The following LRP1B variants were observed in gnomAD, a reference collection of about 807,000 sequenced individuals.
The protein encoded by LRP1B is LDL receptor related protein 1B, also known as low-density lipoprotein receptor-related protein 1B.
Under a neutral mutation model 556.6 loss-of-function variants are expected in LRP1B, and 217 were observed. The observed-to-expected ratio is 0.39, with a 90% CI of 0.35 to 0.44. The LOEUF is 0.44. Ranked by LOEUF, LRP1B falls within the 20% of genes least tolerant of loss-of-function variation. The pLI, the probability that LRP1B is intolerant of heterozygous loss-of-function variation, is 1.00. For synonymous variants in LRP1B, 2,047 were observed against 1,865.8 expected (o/e 1.10, Z -2.50); for missense variants, 5,053 against 5,620.8 (o/e 0.90, Z 3.23).
chr2:141,725,933 CAT>C (rs1191532782), intron 2 of LRP1B, among the ~76,000 whole-genome samples: 1 of 151,592 alleles, frequency 6.6e-6, no homozygotes, highest in African/African-American at 2.4e-5. Context: ...AATTGAGAAA[CAT>C]ATGTAAAATA....
In LRP1B at chr2:141,356,552, C is replaced by A. The variant is rs546189797; in HGVS notation, c.344-101911G>T. Among the ~76,000 whole-genome samples, 6 of 135,848 alleles carry A rather than the reference C, an allele frequency of 4.4e-5. No homozygotes were observed. In the South Asian group the frequency reaches 1.3e-3, roughly 29 times the overall value. 89.1% of individuals were successfully genotyped at this position (135,848 alleles called of 152,430 possible). A position where few individuals can be genotyped will look rare whatever the true frequency, so the allele number is the denominator to read the frequency against. On this transcript the variant is annotated intron_variant, in intron 3 of 90. Transcript: ENST00000389484. ...GGCTATATGATCTCCAAGTATGATT[C>A]TATGGTTCCTTTTGAGATGATAAGA...
intron 1 of LRP1B, among the ~76,000 whole-genome samples, chr2:141,936,588 T>G (rs958506512): frequency 6.6e-6 from 1 of 152,192 alleles, no homozygotes; most frequent in African/African-American, 2.4e-5. Flanking sequence ...TTTAAGATCC[T>G]TGATCTGTAA....
intron 3 of LRP1B, among the ~76,000 whole-genome samples, chr2:141,266,823 C>G (rs569231540): frequency 1.3e-5 from 2 of 151,986 alleles, no homozygotes; most frequent in African/African-American, 2.4e-5. Flanking sequence ...ATTTATTTTA[C>G]AAATTATAAA....
chr2:142,060,304 T>C lies in LRP1B; in HGVS notation c.82+70344A>G, dbSNP rs115563676. ...GAGAGTTTTTAAACCTGCATGCTTT[T>C]GTGAGTTACTGGGTGTCAAAGGTGC... On this transcript the variant is annotated intron_variant, in intron 1 of 90. Transcript: ENST00000389484. 4.2e-3 allele frequency among the ~76,000 whole-genome samples: 637 copies of C among 152,136 alleles called. 6 individuals carry two copies. Among genetic ancestry groups the C allele is most frequent in the African/African-American group, 0.015 (607 of 41,546 alleles).
chr2:141,378,889 G>C (rs770868738), intron 3 of LRP1B, among the ~76,000 whole-genome samples: 1 of 152,080 alleles, frequency 6.6e-6, no homozygotes, highest in Non-Finnish European at 1.5e-5. Flanking sequence ...AGATGCCACC[G>C]AGCAGACAAC....
chr2:142,012,956 T>C (rs1448965051), intron 1 of LRP1B, among the ~76,000 whole-genome samples: 1 of 152,150 alleles, frequency 6.6e-6, no homozygotes, highest in Non-Finnish European at 1.5e-5. Context: ...GACATTTATA[T>C]TGTGATTAGC....
chr2:140,784,313 C>T (rs1689811034), intron 32 of LRP1B, among the ~76,000 whole-genome samples: 1 of 147,156 alleles, frequency 6.8e-6, no homozygotes, highest in African/African-American at 2.5e-5. Context: ...AAAAGGTTTC[C>T]CTATTGGGGG....
intron 32 of LRP1B, among the ~76,000 whole-genome samples, chr2:140,802,901 T>C (rs1020152740): frequency 1.3e-5 from 2 of 152,176 alleles, no homozygotes; most frequent in Admixed American, 6.5e-5. Context: ...ATGTGAATTC[T>C]TAGTTAAGTA....
At chr2:140,955,211 A>G (rs1432608150) in intron 18 of LRP1B, among the ~76,000 whole-genome samples, 1 of 151,938 alleles carries the variant, frequency 6.6e-6, no homozygotes, top group Admixed American at 6.6e-5. Flanking sequence ...ATAAATTACC[A>G]TAATTGATTA....
intron 1 of LRP1B, among the ~76,000 whole-genome samples, chr2:141,933,917 A>G (rs1425060893): frequency 6.6e-6 from 1 of 152,062 alleles, no homozygotes; most frequent in Non-Finnish European, 1.5e-5. Context: ...CAATCAGTGA[A>G]CTCATAATAA....
At chr2:140,429,321 C>T (rs139224456) in intron 66 of LRP1B, among the ~76,000 whole-genome samples, 16,746 of 152,100 alleles carry the variant, frequency 0.11, 1,027 homozygotes, top group Non-Finnish European at 0.12. Flanking sequence ...CCCCATAGTG[C>T]CAAACCCATA....
intron 60 of LRP1B, among the ~76,000 whole-genome samples, chr2:140,459,786 G>A (rs1376400810): frequency 2.6e-5 from 4 of 152,070 alleles, no homozygotes; most frequent in Non-Finnish European, 5.9e-5. Flanking sequence ...GGAGGTGATT[G>A]GATCATGGGG....
Position 141,623,173 on chromosome 2 carries a change from A to C in LRP1B, c.206-142640T>G, listed in dbSNP as rs562287782. On this transcript the variant is annotated intron_variant, in intron 2 of 90. Coordinates refer to ENST00000389484, the MANE Select transcript of LRP1B (RefSeq NM_018557.3). ...CTGTCTTCAAAGCTGTGATCACTTAATTTAAAAAAAAATCACTTTTAAAGA... is the reference window on the plus strand; with the variant it reads ...CTGTCTTCAAAGCTGTGATCACTTACTTTAAAAAAAAATCACTTTTAAAGA... 3.4e-5 allele frequency among the ~76,000 whole-genome samples: 5 copies of C among 148,588 alleles called. No individual in the cohort carries two copies. In the East Asian group the frequency reaches 9.7e-4, roughly 29 times the overall value.
chr2:140,647,443 C>T (rs1197796747), intron 41 of LRP1B, among the ~76,000 whole-genome samples: 5 of 152,058 alleles, frequency 3.3e-5, no homozygotes, highest in East Asian at 3.8e-4. Context: ...GTTTACCATA[C>T]ATAAATTGAC....
chr2:140,847,511 G>A (rs1431902441), intron 29 of LRP1B, among the ~76,000 whole-genome samples: 1 of 152,124 alleles, frequency 6.6e-6, no homozygotes, highest in Non-Finnish European at 1.5e-5. Context: ...GTTCACGCCT[G>A]TAATCCCAGC....
At chr2:140,366,629 G>T (rs1251553006) in intron 71 of LRP1B, among the ~76,000 whole-genome samples, 4 of 151,836 alleles carry the variant, frequency 2.6e-5, no homozygotes, top group Admixed American at 6.6e-5. Context: ...GAAATATCTG[G>T]AAAGAGTGAT....
rs374460665 is a variant in LRP1B, at chr2:140,243,743, C to T, written c.13324+3343G>A. Among the ~76,000 whole-genome samples the T allele has an allele frequency of 1.5e-4, 23 of 151,266 alleles. No homozygotes were observed. In the East Asian group the frequency reaches 1.6e-3, roughly 10 times the overall value. On this transcript the variant is annotated intron_variant, in intron 87 of 90. Transcript: ENST00000389484. ...TTTGTACCACTCTCCCCCTTGTTCTCTTGATACCAGCACACTGGTCTTCTT... is the reference window on the plus strand; with the variant it reads ...TTTGTACCACTCTCCCCCTTGTTCTTTTGATACCAGCACACTGGTCTTCTT...
chr2:141,409,208 T>A (rs976555378), intron 3 of LRP1B, among the ~76,000 whole-genome samples: 2 of 152,222 alleles, frequency 1.3e-5, no homozygotes, highest in Middle Eastern at 3.2e-3. Context: ...CGTTAAGTTA[T>A]ATAAACTCAT....
At chr2:140,951,802 T>C (rs1695722330) in intron 19 of LRP1B, 58 bp downstream of exon 19, 1 of 1,376,764 alleles carries the variant, frequency 7.3e-7, no homozygotes, top group Admixed American at 1.8e-5. Flanking sequence ...AGCCAGGCAG[T>C]CCAGACCGCC....
Sources: allele counts gnomAD v4.1 joint callset (sites outside exome capture counted in the v4.1 genomes callset), GRCh38; gene constraint gnomAD v4.1.1; transcripts MANE v1.5; gene names NCBI Gene and HGNC (gene_info 2026-07-23, HGNC 2026-07-21).